The following CDS2 variants were observed in gnomAD, a reference collection of about 807,000 sequenced individuals.
The protein encoded by CDS2 is CDP-diacylglycerol synthase 2, also known as phosphatidate cytidylyltransferase 2.
CDS2 carries 47 observed loss-of-function variants against 59.0 expected under a neutral mutation model. The observed-to-expected ratio is 0.80, with a 90% CI of 0.63 to 1.02. The LOEUF is 1.02. CDS2 is among the 50% of genes least tolerant of loss of function. The pLI, the probability that CDS2 is intolerant of heterozygous loss-of-function variation, is 0.00. For synonymous variants in CDS2, 207 were observed against 206.4 expected (o/e 1.00, Z -0.02); for missense variants, 356 against 558.9 (o/e 0.64, Z 3.66).
At chr20:5,186,483 A>G (rs1250735087) in intron 9 of CDS2, among the ~76,000 whole-genome samples, 3 of 149,300 alleles carry the variant, frequency 2.0e-5, no homozygotes, top group Admixed American at 6.7e-5. Context: ...GGGTTCCTGT[A>G]TGTAACCTTG....
intron 10 of CDS2, 108 bp from the exon 11 acceptor site, chr20:5,188,959 C>A: frequency 7.1e-7 from 1 of 1,401,918 alleles, no homozygotes; most frequent in Non-Finnish European, 1.0e-6. Context: ...TAGGCATCAC[C>A]TCCCAGTGAG....
chr20:5,184,844 T>C lies in CDS2; in HGVS notation c.672-14T>C. On this transcript the variant is annotated splice_polypyrimidine_tract_variant and intron_variant, in intron 7 of 12. Coordinates refer to ENST00000460006, the MANE Select transcript of CDS2 (RefSeq NM_003818.4). This position sits in a 1 kb window ranked among gnomAD's most constrained non-coding sequence, Gnocchi z 4.3. Reference sequence around the variant, plus strand: ...ACCTTGCTTGAGTTGATCCTTACTTTGGTTCATTTCTAGGTTCATTGTCCC... The same window carrying C: ...ACCTTGCTTGAGTTGATCCTTACTTCGGTTCATTTCTAGGTTCATTGTCCC... 1 of 1,597,936 alleles carries C rather than the reference T, an allele frequency of 6.3e-7. No individual in the cohort carries two copies. Among genetic ancestry groups the C allele is most frequent in the Non-Finnish European group, 8.6e-7 (1 of 1,165,274 alleles).
At chr20:5,180,367 A>C (rs1600510737) in intron 5 of CDS2, among the ~76,000 whole-genome samples, 4 of 152,072 alleles carry the variant, frequency 2.6e-5, no homozygotes, top group Admixed American at 2.6e-4. Flanking sequence ...AATGGCCCTT[A>C]GAGCAGCCCC....
intron 3 of CDS2, 68 bp downstream of exon 3, chr20:5,175,347 G>A (rs1329528760): frequency 5.6e-6 from 7 of 1,246,940 alleles, no homozygotes; most frequent in Non-Finnish European, 8.2e-6. Context: ...TGTCTTAAGT[G>A]CGAGGTGTTG....
intron 3 of CDS2, 137 bp downstream of exon 3, chr20:5,175,416 A>T (rs2090987919): frequency 1.5e-6 from 1 of 666,920 alleles, no homozygotes; most frequent in Non-Finnish European, 2.7e-6. Flanking sequence ...GCCATAGAAC[A>T]TCTGTGACTT....
intron 1 of CDS2, among the ~76,000 whole-genome samples, chr20:5,150,920 C>T (rs1029916214): frequency 4.6e-5 from 7 of 152,212 alleles, no homozygotes; most frequent in African/African-American, 1.7e-4. Flanking sequence ...GCAAAACTAT[C>T]AGGGGAACAA....
At chr20:5,145,824 T>G (rs1458794668) in intron 1 of CDS2, among the ~76,000 whole-genome samples, 1,294 of 62,884 alleles carry the variant, frequency 0.021, 27 homozygotes, top group African/African-American at 0.032. Flanking sequence ...CTTTTTGTGT[T>G]TTTTTTTTTT....
rs1278944269 is a variant in CDS2 at position 5,173,595 on chromosome 20, C to T, written c.130C>T (p.Leu44=). ...TGAGAGCCGGGCAGAATCCGCACCC[C>T]TGCCAGTCTCTGCAGATGATACCCC... ...DSESRAESAP[L]PVSADDTPEV... is the part of the protein sequence containing the mutation. Residue 44 remains leucine (L), a synonymous_variant, in exon 2 of 13, where the codon CTG becomes TTG. Coordinates refer to ENST00000460006, the MANE Select transcript of CDS2 (RefSeq NM_003818.4). 6.2e-7 allele frequency: 1 copy of T among 1,614,238 alleles called. No homozygotes were observed. Among genetic ancestry groups the T allele is most frequent in the Admixed American group, 1.7e-5 (1 of 60,038 alleles).
intron 3 of CDS2, 109 bp from the exon 4 acceptor site, chr20:5,176,539 G>A (rs1390770903): frequency 9.8e-6 from 8 of 815,066 alleles, no homozygotes; most frequent in Middle Eastern, 4.4e-4. Context: ...CTGGAGGCCC[G>A]ATATTTTTCT....
At chr20:5,130,913 A>T (rs944602440) in intron 1 of CDS2, among the ~76,000 whole-genome samples, 3 of 150,516 alleles carry the variant, frequency 2.0e-5, no homozygotes, top group Non-Finnish European at 4.4e-5. Context: ...AACATGGTGA[A>T]ACCCCATCTC....
intron 1 of CDS2, among the ~76,000 whole-genome samples, chr20:5,136,809 G>T (rs907602518): frequency 6.6e-6 from 1 of 151,968 alleles, no homozygotes; most frequent in Non-Finnish European, 1.5e-5. Flanking sequence ...CTTGTTTTAG[G>T]TTCAGGGGAT....
chr20:5,166,587 G>C (rs2090915108), intron 1 of CDS2, among the ~76,000 whole-genome samples: 1 of 152,182 alleles, frequency 6.6e-6, no homozygotes, highest in Non-Finnish European at 1.5e-5. Context: ...GCGGGGACAG[G>C]CTGATGAAGA....
chr20:5,164,797 A>G (rs1047075805), intron 1 of CDS2, among the ~76,000 whole-genome samples: 2 of 152,192 alleles, frequency 1.3e-5, no homozygotes, highest in African/African-American at 4.8e-5. Context: ...ACAATAGGAA[A>G]ACAAGTGATG....
At chr20:5,148,311 A>T (rs6053157) in intron 1 of CDS2, among the ~76,000 whole-genome samples, 2 of 152,300 alleles carry the variant, frequency 1.3e-5, no homozygotes, top group Admixed American at 1.3e-4. Flanking sequence ...TGAGGATGCC[A>T]TGGTTAGGCT....
intron 1 of CDS2, among the ~76,000 whole-genome samples, chr20:5,141,033 G>A (rs1344935950): frequency 6.6e-6 from 1 of 152,134 alleles, no homozygotes; most frequent in Non-Finnish European, 1.5e-5. Flanking sequence ...CTCAGAAGCA[G>A]GCCTCCAAAA....
rs193105307 is a variant in CDS2 at position 5,187,099 on chromosome 20, G to A, written c.981+260G>A. 2.1e-4 allele frequency: 77 copies of A among 362,318 alleles called. 3 individuals carry two copies. The Middle Eastern group carries it at 2.4e-3, about 11-fold the overall frequency. 22.4% of individuals were successfully genotyped at this position (362,318 alleles called of 1,614,324 possible). Reference sequence around the variant, plus strand: ...GCCCTGGGATCCTTTTAGTTGCGGGGGTAGGGTGGGGGGGTCTGTGAGGTC... The same window carrying A: ...GCCCTGGGATCCTTTTAGTTGCGGGAGTAGGGTGGGGGGGTCTGTGAGGTC... On this transcript the variant is annotated intron_variant, in intron 10 of 12. Coordinates refer to ENST00000460006, the MANE Select transcript of CDS2 (RefSeq NM_003818.4).
At chr20:5,175,127 G>A (rs973131997) in intron 2 of CDS2, 56 bp from the exon 3 acceptor site, 1 of 1,280,686 alleles carries the variant, frequency 7.8e-7, no homozygotes, top group African/African-American at 1.5e-5. Flanking sequence ...TTTGTGCATT[G>A]GTTTTTTTCT....
In CDS2 at chr20:5,127,113, G is replaced by A. The variant is rs1230943796; in HGVS notation, c.21G>A (p.Arg7=). The change falls in exon 1 of 13, where the codon AGG becomes AGA. Residue 7 remains arginine, a synonymous_variant. Coordinates refer to ENST00000460006, the MANE Select transcript of CDS2 (RefSeq NM_003818.4). Reference sequence around the variant, plus strand: ...CCAGGATGACAGAGCTGAGGCAGAGGGTGGCCCATGAGCCGGTTGCGCCAC... The same window carrying A: ...CCAGGATGACAGAGCTGAGGCAGAGAGTGGCCCATGAGCCGGTTGCGCCAC... The part of the protein sequence containing the change: MTELRQ[R]VAHEPVAPPE... 1.3e-6 allele frequency: 2 copies of A among 1,498,928 alleles called. No individual in the cohort carries two copies. The highest frequency in any genetic ancestry group is 1.5e-5 in the African/African-American group (1 of 68,786). 92.9% of individuals were successfully genotyped at this position (1,498,928 alleles called of 1,614,324 possible). A position where few individuals can be genotyped will look rare whatever the true frequency, so the allele number is the denominator to read the frequency against.
chr20:5,170,539 TC>T (rs2090948630), intron 1 of CDS2, among the ~76,000 whole-genome samples: 1 of 152,202 alleles, frequency 6.6e-6, no homozygotes, highest in Non-Finnish European at 1.5e-5. Flanking sequence ...CCTGTCCCCC[TC>T]CTCCTCTGTG....
Sources: gnomAD v4.1 joint callset for allele counts (sites outside exome capture counted in the v4.1 genomes callset) on GRCh38, gnomAD v4.1.1 for gene constraint, Gnocchi (gnomAD v3.1) non-coding constraint, MANE v1.5 for transcripts, NCBI Gene and HGNC (gene_info 2026-07-23, HGNC 2026-07-21) for gene names.